CLEC4F: variants seen among roughly 807,000 people sequenced by gnomAD.
The protein encoded by CLEC4F is C-type (calcium dependent, carbohydrate-recognition domain) lectin, superfamily member 13.
CLEC4F carries 45 observed loss-of-function variants against 53.4 expected under a neutral mutation model. The ratio of observed to expected loss-of-function variants is 0.84; its 90% CI spans 0.66 to 1.08. The LOEUF (loss-of-function observed/expected upper bound fraction) is 1.08. Among genes scored for constraint, CLEC4F ranks in the 50% least tolerant of loss-of-function variants. The pLI, the probability that CLEC4F is intolerant of heterozygous loss-of-function variation, is 0.00. For synonymous variants in CLEC4F, 245 were observed against 257.5 expected, an observed-to-expected ratio of 0.95 and a Z score of 0.46; for missense variants, 753 against 698.2, an observed-to-expected ratio of 1.08 and a Z score of -0.88.
Position 70,808,986 on chromosome 2 carries a change from G to A in CLEC4F, c.*285C>T. ...ACACCCACTGATAGGGGGTGTCACA[G>A]GTCATGTCATTCCACTTCTGCTGAA... On this transcript the variant is annotated 3_prime_UTR_variant, in exon 7 of 7. Transcript: ENST00000272367. The A allele has an allele frequency of 8.2e-7, 1 of 1,224,366 alleles. No homozygotes were observed. Among genetic ancestry groups the A allele is most frequent in the Non-Finnish European group, 1.2e-6 (1 of 868,446 alleles). 75.8% of individuals were successfully genotyped at this position (1,224,366 alleles called of 1,614,324 possible).
At chr2:70,819,677 G>A in intron 2 of CLEC4F, 98 bp downstream of exon 2, 1 of 905,492 alleles carries the variant, frequency 1.1e-6, no homozygotes, top group Non-Finnish European at 1.7e-6. Flanking sequence ...GATCTTTCTG[G>A]GAGCAGAGAG....
upstream of CLEC4F, among the ~76,000 whole-genome samples, chr2:70,824,639 A>AAAAAAAAC (rs1677305590): frequency 6.0e-5 from 9 of 149,420 alleles, no homozygotes; most frequent in African/African-American, 2.2e-4. Context: ...AAAAAAAAAA[A>AAAAAAAAC]AAAAAAACTG....
At chr2:70,824,639 A>AAAAAAAAAAAAAAAAAAC (rs1677305533), upstream of CLEC4F, among the ~76,000 whole-genome samples, 1 of 149,316 alleles carries the variant, frequency 6.7e-6, no homozygotes, top group African/African-American at 2.5e-5. Context: ...AAAAAAAAAA[A>AAAAAAAAAAAAAAAAAAC]AAAAAAACTG....
At position 70,816,749 on chromosome 2, in the gene CLEC4F, T is replaced by A; in HGVS notation, c.632A>T (p.Glu211Val). 1 of 1,614,186 alleles carries A rather than the reference T, an allele frequency of 6.2e-7. No homozygotes were observed. The highest frequency in any genetic ancestry group is 8.5e-7 in the Non-Finnish European group (1 of 1,180,040). The change falls in exon 4 of 7, where the codon GAG (glutamate) becomes GTG (valine). Residue 211 changes from glutamate to valine, a missense_variant. Transcript: ENST00000272367. ...TAAGCCTCTGCTTAGCACGTGGAGC[T>A]CAATGCTGGTGTTTTCTAAACTGCT... The part of the protein sequence containing the change: ...LKSSLENTSI[E>V]LHVLSRGLEN...
At chr2:70,811,164 T>C (rs1558609604) in intron 5 of CLEC4F, 5 of 703,474 alleles carry the variant, frequency 7.1e-6, no homozygotes, top group Middle Eastern at 4.6e-4. Flanking sequence ...AAATCCATTG[T>C]TCAGCTGCTG....
chr2:70,817,069 G>A lies in CLEC4F; in HGVS notation c.312C>T (p.Ile104=), dbSNP rs781908895. 6.2e-7 allele frequency: 1 copy of A among 1,613,196 alleles called. No individual in the cohort carries two copies. The highest frequency in any genetic ancestry group is 8.5e-7 in the Non-Finnish European group (1 of 1,180,000). ...FGREAEMREL[I]QTFKGHMENS... ...TCTCCATGTGGCCTTTAAATGTCTG[G>A]ATAAGCTCTCGCATTTCTGCCTCCC... Residue 104 remains isoleucine, a synonymous_variant, in exon 4 of 7, where the codon ATC becomes ATT. Coordinates refer to ENST00000272367, the MANE Select transcript of CLEC4F (RefSeq NM_173535.3).
chr2:70,809,716 C>A (rs1423982553), intron 6 of CLEC4F, 23 bp downstream of exon 6: 7 of 1,573,422 alleles, frequency 4.4e-6, no homozygotes, highest in Non-Finnish European at 6.1e-6. Flanking sequence ...CCTGGGACAG[C>A]GCCAGATGGT....
rs782330890 is a variant in CLEC4F at position 70,817,001 on chromosome 2, C to G, written c.380G>C (p.Arg127Thr). Residue 127 changes from arginine (R) to threonine (T), a missense_variant, in exon 4 of 7, where the codon AGA becomes ACA. Physicochemically the swap from Arg to Thr is moderately conservative, Grantham distance 71 (BLOSUM62 -1). Coordinates refer to ENST00000272367, the MANE Select transcript of CLEC4F (RefSeq NM_173535.3). Reference sequence around the variant, plus strand: ...GAGCTGCGAATTGACATTGTCCACTCTGCACTTCAACATCTGGATTTCTAC... The same window carrying G: ...GAGCTGCGAATTGACATTGTCCACTGTGCACTTCAACATCTGGATTTCTAC... ...WVVEIQMLKC[R>T]VDNVNSQLQV... The G allele has an allele frequency of 6.2e-7, 1 of 1,614,070 alleles. No individual in the cohort carries two copies. The highest frequency in any genetic ancestry group is 1.3e-5 in the African/African-American group (1 of 74,908).
chr2:70,809,924 G>A, intron 5 of CLEC4F, 67 bp from the exon 6 acceptor site: 1 of 966,380 alleles, frequency 1.0e-6, no homozygotes, highest in Non-Finnish European at 1.7e-6. Flanking sequence ...GCCACCTGGA[G>A]AACCTGCTTA....
chr2:70,823,497 A>C (rs1677278410), upstream of CLEC4F, among the ~76,000 whole-genome samples: 1 of 152,210 alleles, frequency 6.6e-6, no homozygotes, highest in Admixed American at 6.5e-5. Flanking sequence ...CTGAGGCCTG[A>C]GAGCTGAGGG....
upstream of CLEC4F, among the ~76,000 whole-genome samples, chr2:70,824,525 A>C (rs1005757290): frequency 4.0e-5 from 6 of 150,222 alleles, no homozygotes; most frequent in Admixed American, 1.3e-4. Flanking sequence ...ACCAGGGCTC[A>C]TTAGAGAAAT....
rs545824555 is a variant in CLEC4F at position 70,820,593 on chromosome 2, T to C, written c.-70A>G. 2 of 1,469,692 alleles carry C rather than the reference T, an allele frequency of 1.4e-6. No homozygotes were observed. The highest frequency in any genetic ancestry group is 5.0e-5 in the East Asian group (2 of 40,170). 91.0% of individuals were successfully genotyped at this position (1,469,692 alleles called of 1,614,324 possible). On this transcript the variant is annotated 5_prime_UTR_variant, in exon 1 of 7. Coordinates refer to ENST00000272367, the MANE Select transcript of CLEC4F (RefSeq NM_173535.3). ...CTGGAAGGGCCGTCCCGTGGACCAA[T>C]GGCAGTGGAAGCAAAGCTGAGACAC...
chr2:70,814,542 C>A (rs1406314673), intron 4 of CLEC4F, among the ~76,000 whole-genome samples: 1 of 152,156 alleles, frequency 6.6e-6, no homozygotes, highest in Non-Finnish European at 1.5e-5. Flanking sequence ...GTTCTGATGC[C>A]CAGAACTAGT....
At chr2:70,824,032 AAAAAAGAAAGAAAG>A (rs1677288895), upstream of CLEC4F, among the ~76,000 whole-genome samples, 2 of 126,664 alleles carry the variant, frequency 1.6e-5, no homozygotes, top group African/African-American at 5.5e-5. Flanking sequence ...TCCAAAAAAA[AAAAAAGAAAGAAAG>A]AAAGAAAGAA....
chr2:70,819,927 T>G (rs782344132), intron 1 of CLEC4F, 36 bp from the exon 2 acceptor site: 15 of 1,440,092 alleles, frequency 1.0e-5, no homozygotes, highest in Non-Finnish European at 1.4e-5. Context: ...GGTGAGAGGG[T>G]GCTGTGCAAG....
In CLEC4F at chr2:70,809,393, CA is replaced by C; in HGVS notation, c.1659-12del. 6.3e-7 allele frequency: 1 copy of C among 1,590,748 alleles called. No individual in the cohort carries two copies. Among genetic ancestry groups the C allele is most frequent in the South Asian group, 1.1e-5 (1 of 88,234 alleles). ...CCCTTGGAACCAGGCCTGAGTAGGG[CA>C]GGGGGAAAAAAACAGAAAGACCCAC... On this transcript the variant is annotated splice_polypyrimidine_tract_variant and intron_variant, in intron 6 of 6. Coordinates refer to ENST00000272367, the MANE Select transcript of CLEC4F (RefSeq NM_173535.3).
chr2:70,822,047 C>T (rs1677238043), upstream of CLEC4F, among the ~76,000 whole-genome samples: 1 of 152,174 alleles, frequency 6.6e-6, no homozygotes, highest in Non-Finnish European at 1.5e-5. Flanking sequence ...GCATGAGCCA[C>T]CTTGCCTAGC....
At chr2:70,809,413 G>C in intron 6 of CLEC4F, 31 bp from the exon 7 acceptor site, 1 of 1,571,752 alleles carries the variant, frequency 6.4e-7, no homozygotes. Context: ...AAAACAGAAA[G>C]ACCCACTCAC....
At chr2:70,813,270 ACT>A (rs1676663726) in intron 4 of CLEC4F, among the ~76,000 whole-genome samples, 2 of 152,206 alleles carry the variant, frequency 1.3e-5, no homozygotes, top group Non-Finnish European at 2.9e-5. Flanking sequence ...CCACTGCCAT[ACT>A]GTACAAAGAT....
Sources: gnomAD v4.1 joint callset for allele counts (sites outside exome capture counted in the v4.1 genomes callset) on GRCh38, gnomAD v4.1.1 for gene constraint, MANE v1.5 for transcripts, NCBI Gene and HGNC (gene_info 2026-07-23, HGNC 2026-07-21) for gene names.